ARHGAP10: variants seen among roughly 807,000 people sequenced by gnomAD.
The protein encoded by ARHGAP10 is rho GTPase-activating protein 10.
ARHGAP10 carries 87 observed loss-of-function variants against 108.6 expected under a neutral mutation model. That is an observed-to-expected ratio of 0.80 (90% CI 0.67 to 0.96). ARHGAP10 has a LOEUF of 0.96. ARHGAP10 is among the 40% of genes least tolerant of loss of function. The pLI, the probability that ARHGAP10 is intolerant of heterozygous loss-of-function variation, is 0.00. For missense variants in ARHGAP10, 939 were observed against 954.5 expected (o/e 0.98, Z 0.21); for synonymous variants, 347 against 341.1 (o/e 1.02, Z -0.19).
intron 1 of ARHGAP10, among the ~76,000 whole-genome samples, chr4:147,766,125 A>T (rs192320904): frequency 3.9e-4 from 60 of 152,154 alleles, no homozygotes; most frequent in Middle Eastern, 3.4e-3. Flanking sequence ...TACTGGAAAA[A>T]AAATAAATAA....
At chr4:147,848,819 CT>C (rs1733739369) in intron 4 of ARHGAP10, among the ~76,000 whole-genome samples, 2 of 152,204 alleles carry the variant, frequency 1.3e-5, no homozygotes, top group East Asian at 3.8e-4. Context: ...TTTCCAGCTT[CT>C]GATGTTAACA....
chr4:147,964,522 T>C (rs1463371631), intron 16 of ARHGAP10, among the ~76,000 whole-genome samples: 5 of 152,202 alleles, frequency 3.3e-5, no homozygotes, highest in Admixed American at 1.3e-4. Context: ...ATACCTGATG[T>C]CATTAAATCC....
At chr4:147,952,399 T>G (rs1738637093) in intron 15 of ARHGAP10, among the ~76,000 whole-genome samples, 1 of 152,182 alleles carries the variant, frequency 6.6e-6, no homozygotes, top group Non-Finnish European at 1.5e-5. Flanking sequence ...TTCCATTTCC[T>G]TTTCATTCTT....
intron 19 of ARHGAP10, among the ~76,000 whole-genome samples, chr4:148,040,678 T>C (rs1728593694): frequency 6.6e-6 from 1 of 152,124 alleles, no homozygotes; most frequent in African/African-American, 2.4e-5. Context: ...GGTGGTTCTG[T>C]TGGTTTCAGT....
intron 7 of ARHGAP10, among the ~76,000 whole-genome samples, chr4:147,873,441 CAT>C (rs1052260607): frequency 6.6e-6 from 1 of 151,404 alleles, no homozygotes; most frequent in African/African-American, 2.4e-5. Flanking sequence ...ATTATACACA[CAT>C]GGGGGGAAAT....
intron 19 of ARHGAP10, among the ~76,000 whole-genome samples, chr4:148,029,560 G>A (rs1578806093): frequency 6.6e-6 from 1 of 152,178 alleles, no homozygotes; most frequent in African/African-American, 2.4e-5. Context: ...ATGTTTCCTT[G>A]TAAACATGTG....
At chr4:148,042,129 C>T (rs1233973893) in intron 19 of ARHGAP10, among the ~76,000 whole-genome samples, 1 of 152,166 alleles carries the variant, frequency 6.6e-6, no homozygotes, top group Non-Finnish European at 1.5e-5. Flanking sequence ...TCTCCCTCAC[C>T]CAGTATGCTC....
At chr4:147,798,571 G>A (rs1731409650) in intron 1 of ARHGAP10, among the ~76,000 whole-genome samples, 1 of 151,766 alleles carries the variant, frequency 6.6e-6, no homozygotes, top group Admixed American at 6.6e-5. Context: ...CTTGAGTCCA[G>A]GAGTTTGTGA....
At chr4:147,924,865 A>G (rs1422506593) in intron 13 of ARHGAP10, among the ~76,000 whole-genome samples, 2 of 152,220 alleles carry the variant, frequency 1.3e-5, no homozygotes, top group African/African-American at 4.8e-5. Context: ...TTGAATAGCC[A>G]GTAAGTGTGA....
intron 18 of ARHGAP10, among the ~76,000 whole-genome samples, chr4:148,009,452 A>G (rs771558408): frequency 1.3e-5 from 2 of 152,216 alleles, no homozygotes; most frequent in African/African-American, 2.4e-5. Flanking sequence ...ATAATTTATA[A>G]GAGTATAAAG....
intron 1 of ARHGAP10, among the ~76,000 whole-genome samples, chr4:147,807,195 T>C (rs1731822471): frequency 6.6e-6 from 1 of 152,130 alleles, no homozygotes; most frequent in Non-Finnish European, 1.5e-5. Context: ...CACCCCCCAA[T>C]TCATGAAATG....
intron 18 of ARHGAP10, among the ~76,000 whole-genome samples, chr4:148,012,580 A>G (rs369100235): frequency 6.6e-6 from 1 of 152,172 alleles, no homozygotes; most frequent in East Asian, 1.9e-4. Flanking sequence ...GTTTAGAAAC[A>G]TTTCGGTTGG....
intron 7 of ARHGAP10, among the ~76,000 whole-genome samples, chr4:147,874,437 C>T (rs1238316080): frequency 1.3e-5 from 2 of 151,968 alleles, no homozygotes; most frequent in East Asian, 3.8e-4. Flanking sequence ...ATATCAAAGA[C>T]ATTATTTGTG....
rs778756926 is a variant in ARHGAP10, at chr4:148,064,474, T to C, written c.2239T>C (p.Leu747=). The C allele has an allele frequency of 6.2e-7, 1 of 1,614,174 alleles. No homozygotes were observed. The change falls in exon 22 of 23, where the codon TTA becomes CTA. Residue 747 remains leucine (L), a synonymous_variant. Transcript: ENST00000336498. ...YPCEAEHSSE[L]SFEIGAIFED... is the part of the protein sequence containing the mutation. ...GTGTGAAGCAGAACACAGCTCGGAA[T>C]TATCTTTTGAAATAGGAGCAATTTT...
chr4:148,011,461 G>C (rs1361113315), intron 18 of ARHGAP10, among the ~76,000 whole-genome samples: 1 of 152,240 alleles, frequency 6.6e-6, no homozygotes, highest in Non-Finnish European at 1.5e-5. Flanking sequence ...GCACCTATGT[G>C]TGGCATCTTC....
intron 3 of ARHGAP10, among the ~76,000 whole-genome samples, chr4:147,842,585 A>G (rs1420075583): frequency 6.6e-6 from 1 of 152,088 alleles, no homozygotes; most frequent in Non-Finnish European, 1.5e-5. Flanking sequence ...CGAGCTGCTT[A>G]GGTTCCATGC....
At chr4:147,834,734 A>G (rs1302056776) in intron 3 of ARHGAP10, among the ~76,000 whole-genome samples, 1 of 107,764 alleles carries the variant, frequency 9.3e-6, no homozygotes, top group Non-Finnish European at 1.8e-5. Flanking sequence ...CCACCCGCAC[A>G]CCCACCCACC....
intron 18 of ARHGAP10, among the ~76,000 whole-genome samples, chr4:147,971,900 T>TG: frequency 6.6e-6 from 1 of 152,026 alleles, no homozygotes; most frequent in Middle Eastern, 3.4e-3. Context: ...GGAGTGAGAA[T>TG]GGGGAGTTCC....
chr4:148,024,251 A>G (rs902217525), intron 19 of ARHGAP10, among the ~76,000 whole-genome samples: 5 of 152,246 alleles, frequency 3.3e-5, no homozygotes, highest in Non-Finnish European at 7.3e-5. Flanking sequence ...TATTGAGAAC[A>G]TTTGCTGAAT....
Sources: gnomAD v4.1 joint callset for allele counts (sites outside exome capture counted in the v4.1 genomes callset) on GRCh38, gnomAD v4.1.1 for gene constraint, MANE v1.5 for transcripts, NCBI Gene and HGNC (gene_info 2026-07-23, HGNC 2026-07-21) for gene names.